The following MEI4 variants were observed in gnomAD, a reference collection of about 807,000 sequenced individuals.
MEI4 encodes the protein meiosis-specific protein MEI4.
MEI4 carries 27 observed loss-of-function variants against 31.4 expected under a neutral mutation model. The ratio of observed to expected loss-of-function variants is 0.86; its 90% CI spans 0.63 to 1.19. The LOEUF (loss-of-function observed/expected upper bound fraction) is 1.19, where lower values mean the gene tolerates loss of function less well. Among genes scored for constraint, MEI4 ranks in the 50% most tolerant of loss-of-function variants. The pLI, the probability that MEI4 is intolerant of heterozygous loss-of-function variation, is 0.00. For missense variants in MEI4, 329 were observed against 398.9 expected (o/e 0.82, Z 1.49); for synonymous variants, 122 against 145.4 (o/e 0.84, Z 1.16).
At chr6:77,699,132 G>A (rs1437012173) in intron 2 of MEI4, among the ~76,000 whole-genome samples, 1 of 151,492 alleles carries the variant, frequency 6.6e-6, no homozygotes, top group East Asian at 1.9e-4. Context: ...CTCCTTTAAG[G>A]ACTTCTCTGC....
At chr6:77,683,850 G>A (rs1196055624) in intron 1 of MEI4, among the ~76,000 whole-genome samples, 1 of 152,158 alleles carries the variant, frequency 6.6e-6, no homozygotes, top group Non-Finnish European at 1.5e-5. Context: ...ACATTGGAGT[G>A]CAGATATCTT....
intron 2 of MEI4, among the ~76,000 whole-genome samples, chr6:77,703,119 A>G (rs1054975436): frequency 3.3e-5 from 5 of 152,158 alleles, no homozygotes; most frequent in African/African-American, 1.2e-4. Context: ...CTGTATTTCT[A>G]TAGTTAGCAC....
At chr6:77,818,955 C>T (rs1489035416) in intron 3 of MEI4, among the ~76,000 whole-genome samples, 1 of 152,046 alleles carries the variant, frequency 6.6e-6, no homozygotes, top group Non-Finnish European at 1.5e-5. Context: ...CCTGGCTGGT[C>T]TTGAACCTAG....
intron 2 of MEI4, among the ~76,000 whole-genome samples, chr6:77,732,369 T>G (rs1169663599): frequency 6.6e-6 from 1 of 152,074 alleles, no homozygotes; most frequent in Admixed American, 6.5e-5. Context: ...GATTCCTAGG[T>G]ATTTTATTCT....
At chr6:77,728,861 A>C (rs1766896582) in intron 2 of MEI4, among the ~76,000 whole-genome samples, 1 of 152,172 alleles carries the variant, frequency 6.6e-6, no homozygotes, top group South Asian at 2.1e-4. Flanking sequence ...TACAGTGGGA[A>C]TTCTTTGGTG....
At chr6:77,755,022 A>G (rs983790310) in intron 2 of MEI4, among the ~76,000 whole-genome samples, 3 of 152,146 alleles carry the variant, frequency 2.0e-5, no homozygotes, top group African/African-American at 7.2e-5. Context: ...TGTAGAAATA[A>G]GTAAGAAAGG....
intron 4 of MEI4, among the ~76,000 whole-genome samples, chr6:77,875,810 T>C (rs1771319708): frequency 6.6e-6 from 1 of 152,210 alleles, no homozygotes; most frequent in South Asian, 2.1e-4. Flanking sequence ...ATATACCCTT[T>C]AATCTTGGCA....
intron 4 of MEI4, among the ~76,000 whole-genome samples, chr6:77,887,730 G>T (rs768786718): frequency 3.3e-5 from 5 of 152,138 alleles, no homozygotes; most frequent in Non-Finnish European, 7.4e-5. Flanking sequence ...TCTATGTGTT[G>T]GTTAGTATAA....
chr6:77,760,148 T>C (rs1373689834), intron 2 of MEI4, among the ~76,000 whole-genome samples: 1 of 152,068 alleles, frequency 6.6e-6, no homozygotes, highest in African/African-American at 2.4e-5. Flanking sequence ...CTAGAAGTTA[T>C]AGACATAGTT....
At chr6:77,763,822 T>A (rs543060823) in intron 3 of MEI4, among the ~76,000 whole-genome samples, 2 of 149,884 alleles carry the variant, frequency 1.3e-5, no homozygotes, top group African/African-American at 2.4e-5. Flanking sequence ...GTTGGGAGAC[T>A]TTTTTTTTTC....
At chr6:77,752,833 C>T (rs987263257) in intron 2 of MEI4, among the ~76,000 whole-genome samples, 17 of 152,022 alleles carry the variant, frequency 1.1e-4, no homozygotes, top group Admixed American at 8.5e-4. Context: ...AAGCTGGAGG[C>T]GTCACACTAC....
chr6:77,838,891 G>A (rs1250053918), intron 4 of MEI4, among the ~76,000 whole-genome samples: 7 of 148,474 alleles, frequency 4.7e-5, no homozygotes, highest in Admixed American at 6.7e-5. Context: ...CGACAAGAGC[G>A]AAACTCTATC....
intron 4 of MEI4, among the ~76,000 whole-genome samples, chr6:77,875,258 A>G (rs954952854): frequency 2.0e-5 from 3 of 152,132 alleles, no homozygotes; most frequent in African/African-American, 7.2e-5. Context: ...ATGTTTATCT[A>G]TTTATTTCCT....
intron 4 of MEI4, among the ~76,000 whole-genome samples, chr6:77,859,216 C>A (rs1368579729): frequency 1.3e-5 from 2 of 152,172 alleles, no homozygotes; most frequent in East Asian, 3.9e-4. Context: ...TTTATGGCTG[C>A]ATAGTATTCC....
chr6:77,889,451 G>C (rs983174217), intron 4 of MEI4, among the ~76,000 whole-genome samples: 1 of 152,134 alleles, frequency 6.6e-6, no homozygotes, highest in Non-Finnish European at 1.5e-5. Context: ...GAGATCTGTG[G>C]AACTTTGAAT....
rs1489982429 is a variant in MEI4 at position 77,797,638 on chromosome 6, G to T, written c.769-31293G>T. On this transcript the variant is annotated intron_variant, in intron 3 of 4. Transcript: ENST00000684080. The stretch of plus-strand genomic sequence containing the variant: ...CAGGAGTCCAAAGGTTGAAGAACTT[G>T]GAGTCTGTTGTCCAAGGGTAGGAGG... Among the ~76,000 whole-genome samples, 3 of 152,088 alleles carry T rather than the reference G, an allele frequency of 2.0e-5. No individual in the cohort carries two copies. In the East Asian group the frequency reaches 5.8e-4, roughly 29 times the overall value.
intron 2 of MEI4, among the ~76,000 whole-genome samples, chr6:77,702,116 G>A (rs1307192263): frequency 6.6e-6 from 1 of 151,190 alleles, no homozygotes; most frequent in Non-Finnish European, 1.5e-5. Flanking sequence ...AACAGAACAG[G>A]GGCCTGACAG....
At chr6:77,742,201 C>T (rs1182267284) in intron 2 of MEI4, among the ~76,000 whole-genome samples, 1 of 151,970 alleles carries the variant, frequency 6.6e-6, no homozygotes, top group Non-Finnish European at 1.5e-5. Context: ...GCCACACTGA[C>T]TTCCACAAGG....
chr6:77,703,642 T>C (rs1766270013), intron 2 of MEI4, among the ~76,000 whole-genome samples: 1 of 152,186 alleles, frequency 6.6e-6, no homozygotes, highest in Admixed American at 6.5e-5. Flanking sequence ...AAACGTACCA[T>C]GAGGATTCTG....
Sources: gnomAD v4.1 joint callset for allele counts (sites outside exome capture counted in the v4.1 genomes callset) on GRCh38, gnomAD v4.1.1 for gene constraint, MANE v1.5 for transcripts, NCBI Gene and HGNC (gene_info 2026-07-23, HGNC 2026-07-21) for gene names.